The following LRP1B variants were observed in gnomAD, a reference collection of about 807,000 sequenced individuals.
LRP1B encodes LDL receptor related protein 1B, also known as low-density lipoprotein receptor-related protein 1B.
LRP1B carries 217 observed loss-of-function variants against 556.6 expected under a neutral mutation model. The observed-to-expected ratio is 0.39, with a 90% CI of 0.35 to 0.44. LRP1B has a LOEUF of 0.44. Among genes scored for constraint, LRP1B ranks in the 20% least tolerant of loss-of-function variants. The pLI is 1.00. For synonymous variants in LRP1B, 2,047 were observed against 1,865.8 expected, an observed-to-expected ratio of 1.10 and a Z score of -2.50; for missense variants, 5,053 against 5,620.8, an observed-to-expected ratio of 0.90 and a Z score of 3.23.
intron 66 of LRP1B, among the ~76,000 whole-genome samples, chr2:140,431,769 A>T (rs1685954847): frequency 6.6e-6 from 1 of 152,072 alleles, no homozygotes; most frequent in Non-Finnish European, 1.5e-5. Context: ...TCTAAATGAC[A>T]AATGTTTCTT....
At chr2:141,523,130 C>G (rs2105177350) in intron 2 of LRP1B, among the ~76,000 whole-genome samples, 1 of 151,856 alleles carries the variant, frequency 6.6e-6, no homozygotes, top group Non-Finnish European at 1.5e-5. Flanking sequence ...TTTAAAACAT[C>G]ATGATGTAAG....
intron 1 of LRP1B, among the ~76,000 whole-genome samples, chr2:141,923,444 A>ATG (rs1273192375): frequency 6.2e-5 from 4 of 64,328 alleles, no homozygotes; most frequent in African/African-American, 1.6e-4. Flanking sequence ...GATTATATAT[A>ATG]TATGTGTGTG....
intron 1 of LRP1B, among the ~76,000 whole-genome samples, chr2:141,833,937 GGAAGAGGCAAAACTTACCACTT>G (rs140752808): frequency 6.8e-6 from 1 of 146,138 alleles, no homozygotes; most frequent in African/African-American, 2.8e-5. Flanking sequence ...AGGGAATGAT[GGAAGAGGCAAAACTTACCACTT>G]GAAGAGGATT....
intron 1 of LRP1B, among the ~76,000 whole-genome samples, chr2:141,986,607 CAG>C (rs1702193453): frequency 6.6e-6 from 1 of 151,902 alleles, no homozygotes; most frequent in African/African-American, 2.4e-5. Context: ...AGATTATGCA[CAG>C]AAATTTAAAA....
intron 2 of LRP1B, among the ~76,000 whole-genome samples, chr2:141,751,639 T>G (rs1267917779): frequency 6.6e-6 from 1 of 151,776 alleles, no homozygotes; most frequent in Non-Finnish European, 1.5e-5. Context: ...CCCACCTCAC[T>G]CCAAAGCATT....
intron 68 of LRP1B, among the ~76,000 whole-genome samples, chr2:140,375,275 TTAAG>T (rs892128861): frequency 2.6e-5 from 4 of 151,598 alleles, no homozygotes; most frequent in Non-Finnish European, 5.9e-5. Context: ...GGAAGTTCCT[TTAAG>T]TAAGTTTGTT....
chr2:141,706,393 C>T (rs1216633887), intron 2 of LRP1B, among the ~76,000 whole-genome samples: 2 of 152,076 alleles, frequency 1.3e-5, no homozygotes, highest in Non-Finnish European at 2.9e-5. Context: ...CCTAACACTA[C>T]ATAAGGTGTG....
At chr2:140,600,707 G>C (rs560486974) in intron 42 of LRP1B, among the ~76,000 whole-genome samples, 1 of 145,254 alleles carries the variant, frequency 6.9e-6, no homozygotes, top group Non-Finnish European at 1.5e-5. Context: ...TATTGTATAT[G>C]AGAGTGAAAG....
At chr2:140,690,873 T>C (rs1686210833) in intron 41 of LRP1B, among the ~76,000 whole-genome samples, 1 of 152,180 alleles carries the variant, frequency 6.6e-6, no homozygotes, top group Non-Finnish European at 1.5e-5. Flanking sequence ...CCAGTAGTTG[T>C]AATTATCTAA....
intron 3 of LRP1B, among the ~76,000 whole-genome samples, chr2:141,312,546 G>A (rs1479155702): frequency 6.6e-6 from 1 of 152,106 alleles, no homozygotes; most frequent in African/African-American, 2.4e-5. Flanking sequence ...ATGGTTAAAA[G>A]GTCAACGGTA....
At chr2:141,878,097 CT>C (rs1698828119) in intron 1 of LRP1B, among the ~76,000 whole-genome samples, 1 of 151,860 alleles carries the variant, frequency 6.6e-6, no homozygotes, top group Non-Finnish European at 1.5e-5. Flanking sequence ...AAAAAATCCC[CT>C]CTTAAAGGAC....
intron 5 of LRP1B, among the ~76,000 whole-genome samples, chr2:141,244,848 A>G (rs1313356540): frequency 6.6e-6 from 1 of 152,036 alleles, no homozygotes; most frequent in Non-Finnish European, 1.5e-5. Flanking sequence ...CAACATTCCC[A>G]TGGTAACTGC....
intron 22 of LRP1B, among the ~76,000 whole-genome samples, chr2:140,907,080 A>G (rs1694279219): frequency 6.6e-6 from 1 of 151,912 alleles, no homozygotes; most frequent in Admixed American, 6.6e-5. Flanking sequence ...CCTACTTTCA[A>G]TCAGTCAGCT....
At chr2:141,566,307 G>A (rs541341519) in intron 2 of LRP1B, among the ~76,000 whole-genome samples, 1 of 152,126 alleles carries the variant, frequency 6.6e-6, no homozygotes, top group African/African-American at 2.4e-5. Context: ...TTAAAGAAAC[G>A]ATGTAACTTT....
chr2:141,288,685 T>A (rs1286039479), intron 3 of LRP1B, among the ~76,000 whole-genome samples: 1 of 152,192 alleles, frequency 6.6e-6, no homozygotes, highest in Non-Finnish European at 1.5e-5. Flanking sequence ...ACTTTACATA[T>A]TTACTTACAG....
intron 43 of LRP1B, among the ~76,000 whole-genome samples, chr2:140,579,244 AT>A (rs1357493344): frequency 6.6e-6 from 1 of 152,226 alleles, no homozygotes; most frequent in East Asian, 1.9e-4. Context: ...GATAGAGAAC[AT>A]TTGCTTTCAC....
intron 35 of LRP1B, among the ~76,000 whole-genome samples, chr2:140,747,860 T>C (rs1688370004): frequency 6.6e-6 from 1 of 151,730 alleles, no homozygotes. Context: ...AGCATTGAAA[T>C]GAGTAAATGA....
chr2:140,472,911 C>A (rs1001060916), intron 60 of LRP1B, among the ~76,000 whole-genome samples: 2 of 151,906 alleles, frequency 1.3e-5, no homozygotes, highest in Non-Finnish European at 2.9e-5. Context: ...GCTCAGATTT[C>A]AGTTTTAAGA....
intron 79 of LRP1B, among the ~76,000 whole-genome samples, chr2:140,330,230 AATAATAAT>A (rs2105074732): frequency 7.2e-6 from 1 of 139,212 alleles, no homozygotes; most frequent in African/African-American, 2.6e-5. Flanking sequence ...TAATAATAAT[AATAATAAT>A]AATATGGAGC....
Sources: allele counts gnomAD v4.1 joint callset (sites outside exome capture counted in the v4.1 genomes callset), GRCh38; gene constraint gnomAD v4.1.1; transcripts MANE v1.5; gene names NCBI Gene and HGNC (gene_info 2026-07-23, HGNC 2026-07-21).